The following SLC9A9 variants were observed in gnomAD, a reference collection of about 807,000 sequenced individuals.
SLC9A9 encodes sodium/hydrogen exchanger 9.
Under a neutral mutation model 77.8 loss-of-function variants are expected in SLC9A9, and 62 were observed. The observed-to-expected ratio is 0.80, with a 90% CI of 0.65 to 0.98. The LOEUF is 0.98. Among genes scored for constraint, SLC9A9 ranks in the 50% least tolerant of loss-of-function variants. The pLI is 0.00. For missense variants in SLC9A9, 775 were observed against 774.9 expected (o/e 1.00, Z 0.00); for synonymous variants, 320 against 283.5 (o/e 1.13, Z -1.29).
At chr3:143,408,046 C>T (rs985766017) in intron 12 of SLC9A9, among the ~76,000 whole-genome samples, 4 of 152,136 alleles carry the variant, frequency 2.6e-5, no homozygotes, top group African/African-American at 9.7e-5. Context: ...GTGTGCTCAC[C>T]TGACTTTTTT....
intron 4 of SLC9A9, among the ~76,000 whole-genome samples, chr3:143,755,120 A>C (rs1473440172): frequency 2.0e-5 from 3 of 152,168 alleles, no homozygotes; most frequent in Non-Finnish European, 4.4e-5. Flanking sequence ...ATAATCTTAT[A>C]ACCACAACTT....
intron 11 of SLC9A9, among the ~76,000 whole-genome samples, chr3:143,467,470 G>A (rs1479290765): frequency 6.6e-6 from 1 of 152,156 alleles, no homozygotes; most frequent in Admixed American, 6.6e-5. Flanking sequence ...CTGGCTGGGT[G>A]CAGTGGCTCA....
At chr3:143,626,063 G>A (rs1426577177) in intron 6 of SLC9A9, among the ~76,000 whole-genome samples, 3 of 152,192 alleles carry the variant, frequency 2.0e-5, no homozygotes, top group African/African-American at 7.2e-5. Context: ...AAACCACAAT[G>A]AGATACCATC....
intron 9 of SLC9A9, among the ~76,000 whole-genome samples, chr3:143,537,551 C>A (rs2036610338): frequency 6.6e-6 from 1 of 152,342 alleles, no homozygotes; most frequent in South Asian, 2.1e-4. Context: ...TAAGCTCCAT[C>A]TTTGACTGTC....
At chr3:143,372,516 T>G (rs2033080205) in intron 13 of SLC9A9, among the ~76,000 whole-genome samples, 1 of 151,834 alleles carries the variant, frequency 6.6e-6, no homozygotes, top group East Asian at 1.9e-4. Context: ...CCATAAAAAG[T>G]CTAGAAGATA....
At chr3:143,843,748 A>G (rs1369828048) in intron 1 of SLC9A9, among the ~76,000 whole-genome samples, 1 of 152,198 alleles carries the variant, frequency 6.6e-6, no homozygotes, top group Admixed American at 6.5e-5. Flanking sequence ...TAATGCTGTC[A>G]GGGAGCAAGG....
At chr3:143,574,396 G>C (rs912985321) in intron 7 of SLC9A9, among the ~76,000 whole-genome samples, 1 of 152,152 alleles carries the variant, frequency 6.6e-6, no homozygotes, top group African/African-American at 2.4e-5. Context: ...GGGGCTGAAC[G>C]TGCCTGTAAA....
chr3:143,706,682 G>C (rs1200022697), intron 4 of SLC9A9, among the ~76,000 whole-genome samples: 1 of 152,128 alleles, frequency 6.6e-6, no homozygotes, highest in South Asian at 2.1e-4. Flanking sequence ...CTCTGTAAGG[G>C]GTGGAGGGAG....
chr3:143,812,649 T>C (rs1410327363), intron 2 of SLC9A9, among the ~76,000 whole-genome samples: 2 of 152,236 alleles, frequency 1.3e-5, no homozygotes, highest in African/African-American at 2.4e-5. Flanking sequence ...ATAATATTTA[T>C]CACTTCCTAG....
chr3:143,550,297 T>C (rs1347067158), intron 9 of SLC9A9, among the ~76,000 whole-genome samples: 2 of 152,190 alleles, frequency 1.3e-5, no homozygotes, highest in Non-Finnish European at 2.9e-5. Flanking sequence ...AGCATCACCA[T>C]GTTTATTATA....
intron 2 of SLC9A9, among the ~76,000 whole-genome samples, chr3:143,823,451 T>C (rs9858623): frequency 6.6e-6 from 1 of 151,986 alleles, no homozygotes; most frequent in African/African-American, 2.4e-5. Flanking sequence ...CATCCTCATG[T>C]CAGGCCAACA....
At chr3:143,357,212 T>C (rs1295811668) in intron 14 of SLC9A9, among the ~76,000 whole-genome samples, 2 of 152,192 alleles carry the variant, frequency 1.3e-5, no homozygotes, top group African/African-American at 4.8e-5. Context: ...GAGCTACCAA[T>C]GATTTTAGTT....
At chr3:143,625,738 T>C (rs2038311085) in intron 6 of SLC9A9, among the ~76,000 whole-genome samples, 1 of 152,128 alleles carries the variant, frequency 6.6e-6, no homozygotes. Flanking sequence ...CTAAAAGCAA[T>C]GGCAACAAAA....
At chr3:143,810,630 G>A (rs1219147943) in intron 2 of SLC9A9, among the ~76,000 whole-genome samples, 1 of 152,204 alleles carries the variant, frequency 6.6e-6, no homozygotes, top group Admixed American at 6.5e-5. Context: ...AAGGAAACAT[G>A]AGGCTAACAT....
chr3:143,763,912 G>A (rs1180694279), intron 4 of SLC9A9, among the ~76,000 whole-genome samples: 9 of 152,056 alleles, frequency 5.9e-5, no homozygotes, highest in Admixed American at 5.2e-4. Context: ...TGATAAGTGT[G>A]TGTTGCTTCT....
At chr3:143,663,037 AG>A (rs2039004811) in intron 5 of SLC9A9, among the ~76,000 whole-genome samples, 1 of 152,200 alleles carries the variant, frequency 6.6e-6, no homozygotes, top group Non-Finnish European at 1.5e-5. Context: ...ACCTCCCAGT[AG>A]GGGCTGACTG....
chr3:143,449,630 A>T (rs1488592403), intron 12 of SLC9A9, among the ~76,000 whole-genome samples: 1 of 15,890 alleles, frequency 6.3e-5, no homozygotes, highest in Non-Finnish European at 1.1e-4. Context: ...TAATTATATA[A>T]AATATAATTA....
At chr3:143,550,821 T>A (rs2036868738) in intron 9 of SLC9A9, among the ~76,000 whole-genome samples, 1 of 152,242 alleles carries the variant, frequency 6.6e-6, no homozygotes, top group Non-Finnish European at 1.5e-5. Context: ...ATGTTCCTCA[T>A]GTCTCCCAGA....
intron 4 of SLC9A9, among the ~76,000 whole-genome samples, chr3:143,773,728 C>T (rs942946974): frequency 1.3e-5 from 2 of 152,124 alleles, no homozygotes; most frequent in Admixed American, 1.3e-4. Flanking sequence ...AGGTGATCTG[C>T]CCACCTCGGC....
Sources: allele counts gnomAD v4.1 joint callset (sites outside exome capture counted in the v4.1 genomes callset), GRCh38; gene constraint gnomAD v4.1.1; transcripts MANE v1.5; gene names NCBI Gene and HGNC (gene_info 2026-07-23, HGNC 2026-07-21).